SETD2: variants seen among roughly 807,000 people sequenced by gnomAD.
SETD2 encodes SET domain containing 2, histone lysine methyltransferase.
Under a neutral mutation model 242.1 loss-of-function variants are expected in SETD2, and 31 were observed. That is an observed-to-expected ratio of 0.13 (90% CI 0.10 to 0.17). SETD2 has a LOEUF of 0.17. Among genes scored for constraint, SETD2 ranks in the 10% least tolerant of loss-of-function variants. The pLI is 1.00. For synonymous variants in SETD2, 1,006 were observed against 1,066.5 expected (o/e 0.94, Z 1.11); for missense variants, 2,481 against 3,046.3 (o/e 0.81, Z 4.37).
intron 5 of SETD2, among the ~76,000 whole-genome samples, chr3:47,112,500 T>C (rs1333923295): frequency 1.3e-5 from 2 of 152,324 alleles, no homozygotes; most frequent in East Asian, 1.9e-4. Flanking sequence ...CAGGCTGGTC[T>C]TGAACTCCTG....
chr3:47,086,295 C>T lies in SETD2; in HGVS notation c.5297G>A (p.Cys1766Tyr), dbSNP rs1355005608. 1.2e-6 allele frequency: 2 copies of T among 1,612,374 alleles called. No individual in the cohort carries two copies. Among genetic ancestry groups the T allele is most frequent in the Non-Finnish European group, 1.7e-6 (2 of 1,178,936 alleles). The change falls in exon 11 of 21, where the codon TGC (cysteine) becomes TAC (tyrosine). Residue 1766 changes from cysteine to tyrosine, a missense_variant. By Grantham distance (194) the Cys-to-Tyr change is radical (BLOSUM62 -2). Around this residue, in one of 17 missense-constraint regions of SETD2, gnomAD observed 62 missense variants for 136.7 expected, o/e 0.45. Transcript: ENST00000409792. ...ELIQNTHSQS[C>Y]LKSFLERHGL... ...ATGACGTTCCAGAAAGGACTTCAGG[C>T]AGGACTGTGAGTGTGTGTTCTTTCA...
At chr3:47,126,780 T>C (rs1389965101) in intron 1 of SETD2, 117 bp from the exon 2 acceptor site, 3 of 598,376 alleles carry the variant, frequency 5.0e-6, no homozygotes, top group East Asian at 2.8e-5. Context: ...TACCTACAGG[T>C]ATATTCTATA....
At chr3:47,042,465 T>C in intron 17 of SETD2, 96 bp downstream of exon 17, 4 of 1,206,870 alleles carry the variant, frequency 3.3e-6, no homozygotes, top group Admixed American at 1.8e-5. Flanking sequence ...GAAAAGCTAA[T>C]GACAAGAAGT....
At chr3:47,156,685 C>A (rs1299267017) in intron 1 of SETD2, among the ~76,000 whole-genome samples, 1 of 152,124 alleles carries the variant, frequency 6.6e-6, no homozygotes, top group African/African-American at 2.4e-5. Context: ...CCTGTAGCAC[C>A]ATACCTCCAT....
At chr3:47,046,372 A>T in intron 16 of SETD2, 115 bp downstream of exon 16, 1 of 801,638 alleles carries the variant, frequency 1.2e-6, no homozygotes, top group Non-Finnish European at 1.8e-6. Context: ...TAAAACAAAG[A>T]ACACGTGAAA....
At chr3:47,031,659 A>G (rs557704228) in intron 18 of SETD2, among the ~76,000 whole-genome samples, 1 of 152,372 alleles carries the variant, frequency 6.6e-6, no homozygotes, top group South Asian at 2.1e-4. Context: ...AGATTGTGAT[A>G]AGATAAATAT....
In SETD2 at chr3:47,058,860, T is replaced by C. The variant is rs866504939; in HGVS notation, c.6294-1370A>G. On this transcript the variant is annotated intron_variant, in intron 14 of 20. Coordinates refer to ENST00000409792, the MANE Select transcript of SETD2 (RefSeq NM_014159.7). ...CCCAGACTGGAGTGCAGTGGCGCGA[T>C]CTCTGTTCACTGCAAGCTCCACCCC... Among the ~76,000 whole-genome samples, 4 of 151,650 alleles carry C rather than the reference T, an allele frequency of 2.6e-5. No homozygotes were observed. The South Asian group carries it at 8.3e-4, about 32-fold the overall frequency.
chr3:47,029,602 T>C (rs531433583), intron 18 of SETD2, among the ~76,000 whole-genome samples: 1 of 152,320 alleles, frequency 6.6e-6, no homozygotes, highest in African/African-American at 2.4e-5. Flanking sequence ...ATTGTGTTTC[T>C]TGTTTCTTTG....
intron 5 of SETD2, among the ~76,000 whole-genome samples, chr3:47,110,653 A>G (rs540479001): frequency 1.5e-4 from 23 of 152,232 alleles, no homozygotes; most frequent in Non-Finnish European, 3.1e-4. Flanking sequence ...AAATGGTAAT[A>G]CTCTACCAGT....
At chr3:47,044,085 G>A (rs2039405556) in intron 16 of SETD2, among the ~76,000 whole-genome samples, 1 of 152,048 alleles carries the variant, frequency 6.6e-6, no homozygotes, top group Non-Finnish European at 1.5e-5. Flanking sequence ...GCTCATGCCT[G>A]TAATCCCAGC....
rs889960958 is a variant in SETD2 at position 47,103,327 on chromosome 3, T to C, written c.4917+19A>G. 3.8e-6 allele frequency: 6 copies of C among 1,560,380 alleles called. No individual in the cohort carries two copies. The highest frequency in any genetic ancestry group is 4.4e-6 in the Non-Finnish European group (5 of 1,131,294). On this transcript the variant is annotated intron_variant, in intron 7 of 20. Transcript: ENST00000409792. ...AATCGTGAACAAATACCTCAAACTC[T>C]AAATCCACCTCAACTTACTTTTTGG...
chr3:47,017,144 C>A lies in SETD2; in HGVS notation c.7644G>T (p.Met2548Ile), dbSNP rs1255000290. ...GTTTGTAAACAGCCCCAAACTTCTG[C>A]ATGTACTTCTTAATGTACTCCTTGG... ...HKTKEYIKKY[M>I]QKFGAVYKPK... Residue 2548 changes from methionine (M) to isoleucine (I), a missense_variant, in exon 21 of 21, where the codon ATG becomes ATT. By Grantham distance (10) the Met-to-Ile change is conservative. Coordinates refer to ENST00000409792, the MANE Select transcript of SETD2 (RefSeq NM_014159.7). This position sits in a 1 kb window ranked among gnomAD's most constrained non-coding sequence, Gnocchi z 4.8. 6.2e-7 allele frequency: 1 copy of A among 1,614,176 alleles called. No homozygotes were observed. Among genetic ancestry groups the A allele is most frequent in the Non-Finnish European group, 8.5e-7 (1 of 1,180,026 alleles).
intron 18 of SETD2, among the ~76,000 whole-genome samples, chr3:47,024,661 T>C (rs971302212): frequency 1.3e-5 from 2 of 152,194 alleles, no homozygotes; most frequent in African/African-American, 2.4e-5. Context: ...GAAAAATACA[T>C]TGGCTCTTGA....
intron 18 of SETD2, among the ~76,000 whole-genome samples, chr3:47,029,883 C>T (rs906367226): frequency 5.3e-5 from 8 of 152,092 alleles, no homozygotes; most frequent in African/African-American, 1.9e-4. Context: ...TGGCTGGGCA[C>T]GACGACTCAC....
intron 5 of SETD2, among the ~76,000 whole-genome samples, chr3:47,112,287 G>A (rs750956656): frequency 2.8e-4 from 42 of 151,294 alleles, no homozygotes; most frequent in African/African-American, 9.7e-4. Context: ...GCTAATTTTT[G>A]TTTTGTTTTT....
At chr3:47,153,551 A>G (rs1053623525) in intron 1 of SETD2, among the ~76,000 whole-genome samples, 1 of 152,126 alleles carries the variant, frequency 6.6e-6, no homozygotes, top group Non-Finnish European at 1.5e-5. Context: ...GGAGTTTGAG[A>G]CCAGCTTGGG....
At chr3:47,145,466 C>G in intron 1 of SETD2, 1 of 411,746 alleles carries the variant, frequency 2.4e-6, no homozygotes, top group South Asian at 1.8e-5. Flanking sequence ...ACAATCCCAG[C>G]TTGCTGCAGC....
At chr3:47,087,769 C>A (rs1228163186) in intron 10 of SETD2, among the ~76,000 whole-genome samples, 1 of 152,106 alleles carries the variant, frequency 6.6e-6, no homozygotes, top group African/African-American at 2.4e-5. Flanking sequence ...GATTTCCACA[C>A]CAGCCTGGCC....
chr3:47,112,617 T>C (rs1232998473), intron 5 of SETD2, among the ~76,000 whole-genome samples: 1 of 149,384 alleles, frequency 6.7e-6, no homozygotes, highest in Non-Finnish European at 1.5e-5. Flanking sequence ...CGAGATGGAG[T>C]CTTGCTCTGT....
Sources: allele counts gnomAD v4.1 joint callset (sites outside exome capture counted in the v4.1 genomes callset), GRCh38; gene constraint gnomAD v4.1.1; regional missense constraint gnomAD v4.1.1; non-coding constraint Gnocchi (gnomAD v3.1); transcripts MANE v1.5; gene names NCBI Gene and HGNC (gene_info 2026-07-23, HGNC 2026-07-21).